Variants in AASDHPPT observed in about 807,000 individuals in gnomAD.
AASDHPPT encodes the protein L-aminoadipate-semialdehyde dehydrogenase-phosphopantetheinyl transferase.
A neutral mutation model predicts 36.4 loss-of-function variants in AASDHPPT; 23 were observed. The observed-to-expected ratio is 0.63, with a 90% CI of 0.45 to 0.89. The LOEUF (loss-of-function observed/expected upper bound fraction) is 0.89. AASDHPPT is among the 40% of genes least tolerant of loss of function. AASDHPPT has a pLI of 0.00. For missense variants in AASDHPPT, 377 were observed against 378.2 expected (o/e 1.00, Z 0.03); for synonymous variants, 115 against 128.0 (o/e 0.90, Z 0.68).
chr11:106,077,680 C>G lies in AASDHPPT; in HGVS notation c.-31C>G, dbSNP rs772135239. ...CACGTTTGCGTCCGCGCCATCAGGC[C>G]CGAGATAGCGGCGAGGTCCGCTTTC... On this transcript the variant is annotated 5_prime_UTR_variant, in exon 1 of 6. Transcript: ENST00000278618. The G allele has an allele frequency of 1.2e-6, 2 of 1,600,020 alleles. No homozygotes were observed. Among genetic ancestry groups the G allele is most frequent in the Non-Finnish European group, 1.7e-6 (2 of 1,170,230 alleles).
chr11:106,082,172 T>A (rs577557419), intron 2 of AASDHPPT, among the ~76,000 whole-genome samples: 37 of 152,254 alleles, frequency 2.4e-4, no homozygotes, highest in African/African-American at 8.7e-4. Flanking sequence ...TTTTCTTTAT[T>A]TTGTTGTGAA....
intron 1 of AASDHPPT, among the ~76,000 whole-genome samples, chr11:106,079,062 A>G (rs1861101295): frequency 3.3e-5 from 5 of 152,234 alleles, no homozygotes. Flanking sequence ...TTAAAACTGC[A>G]TGGACCAGAC....
At chr11:106,095,123 T>G (rs1334122076) in intron 5 of AASDHPPT, among the ~76,000 whole-genome samples, 2 of 151,972 alleles carry the variant, frequency 1.3e-5, no homozygotes, top group Non-Finnish European at 2.9e-5. Context: ...AAACTCCGTC[T>G]CAAAAAAAAG....
chr11:106,083,142 A>T (rs1444829542), intron 2 of AASDHPPT, among the ~76,000 whole-genome samples: 1 of 151,936 alleles, frequency 6.6e-6, no homozygotes, highest in Non-Finnish European at 1.5e-5. Flanking sequence ...CCAAGTCTCC[A>T]CCCTCAAGGA....
rs949988008 is a variant in AASDHPPT at position 106,077,806 on chromosome 11, A to C, written c.96A>C (p.Glu32Asp). ...GCACTTGGCTGCCGAGCCGAGCCGA[A>C]TGGCTGCTGGCAGTGCGATCGATTC... ...SCGTWLPSRA[E>D]WLLAVRSIQP... Residue 32 changes from glutamate (E) to aspartate (D), a missense_variant, in exon 1 of 6, where the codon GAA becomes GAC. Transcript: ENST00000278618. 12 of 1,614,174 alleles carry C rather than the reference A, an allele frequency of 7.4e-6. No homozygotes were observed. The highest frequency in any genetic ancestry group is 1.0e-5 in the Non-Finnish European group (12 of 1,180,004).
intron 2 of AASDHPPT, among the ~76,000 whole-genome samples, chr11:106,088,374 G>A (rs967716762): frequency 6.6e-6 from 1 of 151,978 alleles, no homozygotes; most frequent in Non-Finnish European, 1.5e-5. Context: ...GACAAAATGC[G>A]TATCTTTTTA....
chr11:106,084,777 C>T (rs1024196411), intron 2 of AASDHPPT, among the ~76,000 whole-genome samples: 36 of 150,934 alleles, frequency 2.4e-4, no homozygotes, highest in African/African-American at 7.1e-4. Context: ...TTCCAGGCAC[C>T]CGCCACCTGG....
At position 106,097,645 on chromosome 11, in the gene AASDHPPT, A is replaced by ATTTTTACAATTTT. The variant is rs1470252775; in HGVS notation, c.*738_*739insTTTTTACAATTTT. ...TTACATCTTTGTAAAATTGTATCTC[A>ATTTTTACAATTTT]AAGGCAGAAAAGGCCATTTCGTCTC... On this transcript the variant is annotated 3_prime_UTR_variant, in exon 6 of 6. Coordinates refer to ENST00000278618, the MANE Select transcript of AASDHPPT (RefSeq NM_015423.3). The ATTTTTACAATTTT allele has an allele frequency of 6.6e-6, 1 of 152,092 alleles. No individual in the cohort carries two copies. Among genetic ancestry groups the ATTTTTACAATTTT allele is most frequent in the East Asian group, 1.9e-4 (1 of 5,200 alleles). 9.4% of individuals were successfully genotyped at this position (152,092 alleles called of 1,614,324 possible).
chr11:106,087,331 AACTC>A (rs556552447), intron 2 of AASDHPPT, among the ~76,000 whole-genome samples: 199 of 152,328 alleles, frequency 1.3e-3, no homozygotes, highest in African/African-American at 4.5e-3. Context: ...TGTACATACT[AACTC>A]ATATCTTAGA....
chr11:106,082,589 CAGAG>C (rs1229323263), intron 2 of AASDHPPT, among the ~76,000 whole-genome samples: 1 of 152,090 alleles, frequency 6.6e-6, no homozygotes, highest in Admixed American at 6.6e-5. Context: ...ACTAGGAACT[CAGAG>C]AGTCTTTTTC....
At chr11:106,086,280 C>T (rs557266195) in intron 2 of AASDHPPT, 3 of 152,362 alleles carry the variant, frequency 2.0e-5, no homozygotes, top group Admixed American at 1.3e-4. Flanking sequence ...TCTGCTCATT[C>T]CTAGCAGTCC....
At position 106,097,877 on chromosome 11, in the gene AASDHPPT, T is replaced by A. The variant is rs1861333086; in HGVS notation, c.*970T>A. The A allele has an allele frequency of 6.6e-6, 1 of 152,158 alleles. No homozygotes were observed. The highest frequency in any genetic ancestry group is 1.5e-5 in the Non-Finnish European group (1 of 67,998). The allele number at this position is 152,158 out of a possible 1,614,324, so 9.4% of individuals were successfully genotyped here. On this transcript the variant is annotated 3_prime_UTR_variant, in exon 6 of 6. Transcript: ENST00000278618. ...CCCACTGCCTTCCCATAAGAAAGGT[T>A]TACCATAATTTACTCACTTTTTTCT...
chr11:106,077,759 G>A lies in AASDHPPT; in HGVS notation c.49G>A (p.Val17Met). 1 of 1,614,166 alleles carries A rather than the reference G, an allele frequency of 6.2e-7. No individual in the cohort carries two copies. ...RFCLVPSMEG[V>M]RWAFSCGTWL... ...CTGCTTGGTGCCATCCATGGAGGGC[G>A]TGCGCTGGGCCTTTTCCTGCGGCAC... is the stretch of plus-strand genomic sequence containing the variant. Residue 17 changes from valine to methionine, a missense_variant, in exon 1 of 6, where the codon GTG (valine) becomes ATG (methionine). Physicochemically the swap from Val to Met is conservative, Grantham distance 21 (BLOSUM62 1). Transcript: ENST00000278618.
chr11:106,079,658 A>C lies in AASDHPPT; in HGVS notation c.375A>C (p.Gln125His). The C allele has an allele frequency of 6.2e-7, 1 of 1,614,148 alleles. No individual in the cohort carries two copies. Among genetic ancestry groups the C allele is most frequent in the Middle Eastern group, 1.6e-4 (1 of 6,062 alleles). Reference protein sequence around the residue: ...YAVLAAEPELQVGIDIMKTSF... With the variant: ...YAVLAAEPELHVGIDIMKTSF... ...TGCTTGCTGCTGAACCTGAGCTGCA[A>C]GTTGGAATTGATATAATGAAGACTA... The change falls in exon 2 of 6, where the codon CAA becomes CAC. Residue 125 changes from glutamine to histidine, a missense_variant. By Grantham distance (24) the Gln-to-His change is conservative. Coordinates refer to ENST00000278618, the MANE Select transcript of AASDHPPT (RefSeq NM_015423.3).
At chr11:106,081,960 A>T (rs1489622003) in intron 2 of AASDHPPT, among the ~76,000 whole-genome samples, 1 of 152,034 alleles carries the variant, frequency 6.6e-6, no homozygotes, top group Non-Finnish European at 1.5e-5. Flanking sequence ...ATACATATGT[A>T]ACTAACCTGC....
Position 106,094,637 on chromosome 11 carries a change from G to T in AASDHPPT, c.748G>T (p.Gly250Ter). Residue 250 changes from glycine (G) to a stop codon, truncating the protein, a stop_gained, in exon 5 of 6, where the codon GGA becomes TGA. Transcript: ENST00000278618. LOFTEE classifies it high-confidence loss of function. ...FVAVALRKPD[G>*]SRHQDVPSQD... ...TGCAGTTGCTCTTAGGAAACCCGATGGATCTAGACATCAGGATGTAAGATT... is the reference window on the plus strand; with the variant it reads ...TGCAGTTGCTCTTAGGAAACCCGATTGATCTAGACATCAGGATGTAAGATT... The T allele has an allele frequency of 6.2e-7, 1 of 1,602,892 alleles. No homozygotes were observed. The highest frequency in any genetic ancestry group is 8.5e-7 in the Non-Finnish European group (1 of 1,174,720).
chr11:106,080,934 T>TTTTG (rs1252065696), intron 2 of AASDHPPT, among the ~76,000 whole-genome samples: 60 of 152,238 alleles, frequency 3.9e-4, no homozygotes, highest in Middle Eastern at 3.2e-3. Context: ...AGCTAGGTTC[T>TTTTG]TTTGTTGTAG....
chr11:106,091,473 T>C lies in AASDHPPT; in HGVS notation c.689T>C (p.Phe230Ser). ...GGAGAGGAAGAAAAAGAATGGGCAT[T>C]TGAGGTAAGAAATTTGTTAGAATTG... Reference protein sequence around the residue: ...LDGEEEKEWAFEESKIDEHHF... With the variant: ...LDGEEEKEWASEESKIDEHHF... Residue 230 changes from phenylalanine (F) to serine (S), a missense_variant, in exon 4 of 6, where the codon TTT becomes TCT. Physicochemically the swap from Phe to Ser is radical, Grantham distance 155. Coordinates refer to ENST00000278618, the MANE Select transcript of AASDHPPT (RefSeq NM_015423.3). 1.3e-6 allele frequency: 2 copies of C among 1,571,664 alleles called. No individual in the cohort carries two copies.
At chr11:106,081,165 A>G (rs1311331586) in intron 2 of AASDHPPT, among the ~76,000 whole-genome samples, 6 of 152,230 alleles carry the variant, frequency 3.9e-5, no homozygotes, top group Admixed American at 2.6e-4. Flanking sequence ...CTGTTAGAGT[A>G]TAGGCTTCAG....
Sources: allele counts gnomAD v4.1 joint callset (sites outside exome capture counted in the v4.1 genomes callset), GRCh38; gene constraint gnomAD v4.1.1; transcripts MANE v1.5; gene names NCBI Gene and HGNC (gene_info 2026-07-23, HGNC 2026-07-21).